The following PSME4 variants were observed in gnomAD, a reference collection of about 807,000 sequenced individuals.
PSME4 encodes the protein proteasome activator subunit 4, also known as proteasome activator complex subunit 4.
A neutral mutation model predicts 253.9 loss-of-function variants in PSME4; 89 were observed. The observed-to-expected ratio is 0.35, with a 90% confidence interval of 0.30 to 0.42. The LOEUF (loss-of-function observed/expected upper bound fraction) is 0.42, where lower values mean the gene tolerates loss of function less well. Among genes scored for constraint, PSME4 ranks in the 10% least tolerant of loss-of-function variants. The pLI is 1.00. For missense variants in PSME4, 2,014 were observed against 2,195.2 expected (o/e 0.92, Z 1.65); for synonymous variants, 851 against 759.2 (o/e 1.12, Z -1.99).
chr2:53,894,891 A>G (rs921965872), intron 34 of PSME4, 116 bp downstream of exon 34: 63 of 926,060 alleles, frequency 6.8e-5, no homozygotes, highest in Non-Finnish European at 9.3e-5. Context: ...AGTGCTATAC[A>G]GAAAAACACA....
chr2:53,932,094 A>G lies in PSME4; in HGVS notation c.1057T>C (p.Leu353=). The G allele has an allele frequency of 3.1e-6, 5 of 1,613,540 alleles. No individual in the cohort carries two copies. The South Asian group carries it at 4.4e-5, about 14-fold the overall frequency. The change falls in exon 10 of 47, where the codon TTA becomes CTA. Residue 353 remains leucine (L), a synonymous_variant. Coordinates refer to ENST00000404125, the MANE Select transcript of PSME4 (RefSeq NM_014614.3). ...GGCAACCGCTGAAGTAGTTTCATTAACTTGTTCTGGGGACACAGAAGCAAA... is the reference window on the plus strand; with the variant it reads ...GGCAACCGCTGAAGTAGTTTCATTAGCTTGTTCTGGGGACACAGAAGCAAA... ...PSNNGRWLNK[L]MKLLQRLPNS... is the part of the protein sequence containing the mutation.
intron 1 of PSME4, among the ~76,000 whole-genome samples, chr2:53,965,424 G>A (rs761947546): frequency 1.3e-5 from 2 of 151,934 alleles, no homozygotes; most frequent in Non-Finnish European, 2.9e-5. Flanking sequence ...TAGAGACAGG[G>A]TTTCACCATG....
Position 53,928,152 on chromosome 2 carries a change from G to A in PSME4, c.1468C>T (p.Pro490Ser). Residue 490 changes from proline to serine, a missense_variant, in exon 11 of 47, where the codon CCT becomes TCT. Transcript: ENST00000404125. ...CTAAAGTCATTTGGATCCACCCCAGGCAATGCTCTCATCAACAGAGGTAGC... is the reference window on the plus strand; with the variant it reads ...CTAAAGTCATTTGGATCCACCCCAGACAATGCTCTCATCAACAGAGGTAGC... ...HMLPLLMRAL[P>S]GVDPNDFSKC... is the part of the protein sequence containing the mutation. 6.2e-7 allele frequency: 1 copy of A among 1,613,924 alleles called. No homozygotes were observed. The highest frequency in any genetic ancestry group is 8.5e-7 in the Non-Finnish European group (1 of 1,179,946).
intron 1 of PSME4, among the ~76,000 whole-genome samples, chr2:53,965,098 C>G (rs775952353): frequency 5.9e-5 from 9 of 152,062 alleles, no homozygotes; most frequent in Non-Finnish European, 1.2e-4. Flanking sequence ...CACACACACA[C>G]ACAGACACAC....
At chr2:53,867,551 T>C (rs1040326736) in intron 44 of PSME4, among the ~76,000 whole-genome samples, 3 of 148,582 alleles carry the variant, frequency 2.0e-5, no homozygotes, top group Admixed American at 1.3e-4. Context: ...TGCCTGTGGT[T>C]CCAGCTAGAC....
intron 20 of PSME4, among the ~76,000 whole-genome samples, chr2:53,912,921 C>T (rs933008878): frequency 6.6e-6 from 1 of 152,186 alleles, no homozygotes; most frequent in Non-Finnish European, 1.5e-5. Flanking sequence ...TTTAGCTATG[C>T]ACATAATCTT....
chr2:53,916,675 T>G (rs543088786), intron 20 of PSME4, among the ~76,000 whole-genome samples: 1 of 152,334 alleles, frequency 6.6e-6, no homozygotes, highest in African/African-American at 2.4e-5. Flanking sequence ...TAACCTATAT[T>G]AAAATAAGCA....
At chr2:53,940,952 C>CATATATAAATATATATATACATATTT (rs1669391606) in intron 3 of PSME4, among the ~76,000 whole-genome samples, 1 of 24,022 alleles carries the variant, frequency 4.2e-5, no homozygotes, top group Non-Finnish European at 7.2e-5. Context: ...TATATATATA[C>CATATATAAATATATATATACATATTT]ATATATATAT....
chr2:53,908,716 G>C, intron 22 of PSME4, 68 bp downstream of exon 22: 2 of 1,458,670 alleles, frequency 1.4e-6, no homozygotes, highest in Non-Finnish European at 1.9e-6. Flanking sequence ...ACACATGCAT[G>C]TTATAGATTA....
intron 20 of PSME4, among the ~76,000 whole-genome samples, chr2:53,912,630 T>C (rs1667875255): frequency 6.6e-6 from 1 of 152,146 alleles, no homozygotes; most frequent in African/African-American, 2.4e-5. Flanking sequence ...CAGCTAATTT[T>C]GTTTATTTAC....
chr2:53,898,008 G>A lies in PSME4; in HGVS notation c.3477-9C>T. On this transcript the variant is annotated splice_polypyrimidine_tract_variant and intron_variant, in intron 30 of 46. Coordinates refer to ENST00000404125, the MANE Select transcript of PSME4 (RefSeq NM_014614.3). ...GTTCAAATTTCCAGGGCCTTAAAAG[G>A]AGGAAAAATAACAAAGCATATCACA... The A allele has an allele frequency of 2.5e-6, 4 of 1,608,022 alleles. No individual in the cohort carries two copies. The highest frequency in any genetic ancestry group is 3.4e-6 in the Non-Finnish European group (4 of 1,177,866).
At chr2:53,969,002 G>A (rs974443204) in intron 1 of PSME4, among the ~76,000 whole-genome samples, 4 of 152,146 alleles carry the variant, frequency 2.6e-5, no homozygotes, top group African/African-American at 4.8e-5. Context: ...CCCCAAAAAT[G>A]GTAGGTATTC....
chr2:53,910,142 C>T lies in PSME4; in HGVS notation c.2517-12G>A, dbSNP rs756258143. 1.2e-6 allele frequency: 2 copies of T among 1,600,368 alleles called. No homozygotes were observed. Among genetic ancestry groups the T allele is most frequent in the South Asian group, 1.1e-5 (1 of 90,784 alleles). ...CCATACTTGGTACTCTGTATAAAAACAAGAGTGCTTGCATTTATTAATAAT... is the reference window on the plus strand; with the variant it reads ...CCATACTTGGTACTCTGTATAAAAATAAGAGTGCTTGCATTTATTAATAAT... On this transcript the variant is annotated splice_polypyrimidine_tract_variant and intron_variant, in intron 20 of 46. Transcript: ENST00000404125.
chr2:53,949,700 A>G (rs540991481), intron 1 of PSME4, among the ~76,000 whole-genome samples: 28 of 152,330 alleles, frequency 1.8e-4, no homozygotes, highest in Middle Eastern at 3.4e-3. Context: ...AGAAACAGAA[A>G]GTAGAATACT....
chr2:53,915,945 C>T (rs1293093380), intron 20 of PSME4, among the ~76,000 whole-genome samples: 1 of 151,982 alleles, frequency 6.6e-6, no homozygotes, highest in Non-Finnish European at 1.5e-5. Context: ...CATGGTGGCA[C>T]ACGCCTGCAA....
intron 20 of PSME4, among the ~76,000 whole-genome samples, chr2:53,914,892 A>G (rs1484962177): frequency 6.6e-6 from 1 of 152,200 alleles, no homozygotes; most frequent in East Asian, 1.9e-4. Flanking sequence ...AAAAAAAGAT[A>G]TTTAGTAACC....
rs1558412003 is a variant in PSME4 at position 53,939,871 on chromosome 2, T to C, written c.545+85A>G. The C allele has an allele frequency of 7.2e-6, 9 of 1,248,800 alleles. No homozygotes were observed. In the Admixed American group the frequency reaches 7.9e-5, roughly 11 times the overall value. The allele number at this position is 1,248,800 out of a possible 1,614,324, so 77.4% of individuals were successfully genotyped here. ...CACAATGTCAGGAACTATTTATACT[T>C]TTCATTTCCTTTTCAAACCATACTA... is the stretch of plus-strand genomic sequence containing the variant. On this transcript the variant is annotated intron_variant, in intron 4 of 46. Coordinates refer to ENST00000404125, the MANE Select transcript of PSME4 (RefSeq NM_014614.3).
Position 53,940,956 on chromosome 2 carries a change from T to TTC in PSME4, c.501-957_501-956insGA, listed in dbSNP as rs1553338431. 2.1e-4 allele frequency among the ~76,000 whole-genome samples: 8 copies of TTC among 38,272 alleles called. 1 individual carries two copies. The highest frequency in any genetic ancestry group is 1.2e-3 in the South Asian group (1 of 806). The allele number at this position is 38,272 out of a possible 152,430, so 25.1% of individuals were successfully genotyped here. On this transcript the variant is annotated intron_variant, in intron 3 of 46. Coordinates refer to ENST00000404125, the MANE Select transcript of PSME4 (RefSeq NM_014614.3). ...ACATATATAAATATATATATACATA[T>TTC]ATATATATATATATATATATATATA... is the stretch of plus-strand genomic sequence containing the variant.
At chr2:53,890,242 T>C in intron 36 of PSME4, 34 bp from the exon 37 acceptor site, 1 of 1,402,352 alleles carries the variant, frequency 7.1e-7, no homozygotes, top group Non-Finnish European at 1.0e-6. Context: ...TAAGAGTTAA[T>C]GACACTCAGA....
Sources: allele counts gnomAD v4.1 joint callset (sites outside exome capture counted in the v4.1 genomes callset), GRCh38; gene constraint gnomAD v4.1.1; transcripts MANE v1.5; gene names NCBI Gene and HGNC (gene_info 2026-07-23, HGNC 2026-07-21).